ATL1: variants seen among roughly 807,000 people sequenced by gnomAD.
ATL1 encodes atlastin GTPase 1, also known as atlastin-1.
ATL1 carries 31 observed loss-of-function variants against 75.5 expected under a neutral mutation model. The ratio of observed to expected loss-of-function variants is 0.41; its 90% confidence interval spans 0.31 to 0.55. The LOEUF (loss-of-function observed/expected upper bound fraction) is 0.55. ATL1 is among the 20% of genes least tolerant of loss of function. The probability of loss-of-function intolerance (pLI) is 0.27; values close to 1 mark genes in which losing one functional copy is unlikely to be tolerated. For missense variants in ATL1, 405 were observed against 662.6 expected (o/e 0.61, Z 4.27); for synonymous variants, 226 against 233.3 (o/e 0.97, Z 0.28).
At chr14:50,582,235 C>T (rs781038219) in intron 1 of ATL1, among the ~76,000 whole-genome samples, 7 of 150,960 alleles carry the variant, frequency 4.6e-5, no homozygotes, top group South Asian at 2.1e-4. Context: ...GCCGAGATCG[C>T]GCCACTGCAC....
At chr14:50,597,229 A>AAAAAG (rs386381346) in intron 6 of ATL1, among the ~76,000 whole-genome samples, 1 of 149,942 alleles carries the variant, frequency 6.7e-6, no homozygotes, top group East Asian at 1.9e-4. Context: ...ACAAAAAAAA[A>AAAAAG]AAAAGAAAAA....
At position 50,632,274 on chromosome 14, in the gene ATL1, TATC is replaced by T. The variant is rs1300721545; in HGVS notation, c.1617_1619del (p.His539del). 2 of 1,612,300 alleles carry T rather than the reference TATC, an allele frequency of 1.2e-6. No homozygotes were observed. Among genetic ancestry groups the T allele is most frequent in the East Asian group, 2.2e-5 (1 of 44,712 alleles). Reference sequence around the variant, plus strand: ...TGCAGCAGCAACCCACAGACATCTGTATCATCAAGCTTTCCCTACACCAAAGTC... The same window carrying T: ...TGCAGCAGCAACCCACAGACATCTGTATCAAGCTTTCCCTACACCAAAGTC... On this transcript the variant is annotated inframe_deletion, in exon 14 of 14. Coordinates refer to ENST00000358385, the MANE Select transcript of ATL1 (RefSeq NM_015915.5).
chr14:50,549,164 T>C (rs2038671216), intron 1 of ATL1, among the ~76,000 whole-genome samples: 2 of 152,048 alleles, frequency 1.3e-5, no homozygotes, highest in African/African-American at 4.8e-5. Context: ...CCATTGTATA[T>C]AAGGGGACCC....
chr14:50,629,583 C>A (rs112449088), intron 12 of ATL1, among the ~76,000 whole-genome samples: 36,281 of 112,646 alleles, frequency 0.32, 6,813 homozygotes, highest in African/African-American at 0.58. Context: ...CTCCATCTCC[C>A]AAAAAAAAAA....
chr14:50,548,872 C>T (rs2038667165), intron 1 of ATL1, among the ~76,000 whole-genome samples: 1 of 152,058 alleles, frequency 6.6e-6, no homozygotes, highest in South Asian at 2.1e-4. Context: ...AGCTATTAGC[C>T]ATGTATAGGG....
rs143223336 is a variant in ATL1 at position 50,534,085 on chromosome 14, G to A, written c.-140+718G>A. On this transcript the variant is annotated intron_variant, in intron 1 of 13. Coordinates refer to the ATL1 transcript ENST00000441560. ...CAAAATCTCTTCAAATGTTCTATTG[G>A]TATCTTAGCACTTGTTTACTGTCAT... is the stretch of plus-strand genomic sequence containing the variant. Among the ~76,000 whole-genome samples the A allele has an allele frequency of 1.9e-3, 292 of 152,172 alleles. 2 individuals carry two copies. The highest frequency in any genetic ancestry group is 3.4e-3 in the Non-Finnish European group (233 of 67,980).
At chr14:50,593,702 C>A in intron 4 of ATL1, 144 bp from the exon 5 acceptor site, 1 of 582,636 alleles carries the variant, frequency 1.7e-6, no homozygotes. Flanking sequence ...ACTTCTCTCT[C>A]AAGGTCTTAC....
chr14:50,603,896 A>G (rs535618362), intron 6 of ATL1, among the ~76,000 whole-genome samples: 3 of 152,266 alleles, frequency 2.0e-5, no homozygotes, highest in South Asian at 2.1e-4. Flanking sequence ...TGAGAGCTGT[A>G]TGGATTAGAA....
At chr14:50,621,988 CAG>C (rs1169400388) in intron 10 of ATL1, 89 bp downstream of exon 10, 7 of 886,136 alleles carry the variant, frequency 7.9e-6, no homozygotes, top group Non-Finnish European at 1.1e-5. Flanking sequence ...CAATATTAGA[CAG>C]AATAATTTAT....
intron 1 of ATL1, among the ~76,000 whole-genome samples, chr14:50,564,647 C>CAAA (rs60054322): frequency 0.025 from 991 of 39,844 alleles, 13 homozygotes; most frequent in Non-Finnish European, 0.028. Flanking sequence ...GATTCCGTCT[C>CAAA]AAAAAAAAAA....
At chr14:50,620,804 T>C (rs2039460737) in intron 9 of ATL1, 78 bp downstream of exon 9, 3 of 1,518,288 alleles carry the variant, frequency 2.0e-6, no homozygotes, top group Non-Finnish European at 1.8e-6. Flanking sequence ...ACAAAAATTA[T>C]AGACCCGATA....
chr14:50,577,254 G>A (rs2039014536), intron 1 of ATL1, among the ~76,000 whole-genome samples: 1 of 152,082 alleles, frequency 6.6e-6, no homozygotes, highest in Non-Finnish European at 1.5e-5. Context: ...AGTAGAGACA[G>A]GGTTTCACCG....
At chr14:50,574,931 GTGTGTGTATATATATATATATATA>G (rs1187506930) in intron 1 of ATL1, among the ~76,000 whole-genome samples, 22 of 78,748 alleles carry the variant, frequency 2.8e-4, no homozygotes, top group Admixed American at 4.3e-4. Context: ...GTGTGTGTGT[GTGTGTGTATATATATATATATATA>G]TATATATATA....
At chr14:50,549,860 TAA>T (rs1363784679) in intron 1 of ATL1, among the ~76,000 whole-genome samples, 1 of 152,188 alleles carries the variant, frequency 6.6e-6, no homozygotes, top group Non-Finnish European at 1.5e-5. Context: ...ATACAAATTT[TAA>T]AAGAGTTACC....
chr14:50,626,428 G>A (rs1434646387), intron 11 of ATL1, among the ~76,000 whole-genome samples: 1 of 152,194 alleles, frequency 6.6e-6, no homozygotes, highest in Admixed American at 6.5e-5. Flanking sequence ...GTGGAGGAAG[G>A]AAGTGCATGT....
At chr14:50,569,168 A>T (rs986892084) in intron 1 of ATL1, among the ~76,000 whole-genome samples, 2 of 151,726 alleles carry the variant, frequency 1.3e-5, no homozygotes, top group Non-Finnish European at 2.9e-5. Flanking sequence ...AATTCGGGTC[A>T]ATATGGCAAA....
At chr14:50,561,696 G>C (rs1387200728) in intron 1 of ATL1, among the ~76,000 whole-genome samples, 1 of 152,186 alleles carries the variant, frequency 6.6e-6, no homozygotes, top group East Asian at 1.9e-4. Flanking sequence ...GGGGAGGTCT[G>C]TCATGACTTA....
chr14:50,535,079 A>T (rs1038628696), intron 1 of ATL1, among the ~76,000 whole-genome samples: 4 of 152,210 alleles, frequency 2.6e-5, no homozygotes, highest in Admixed American at 6.5e-5. Context: ...CCTAATTGTC[A>T]TGCATTCTTA....
At chr14:50,613,763 T>TA (rs2039388447) in intron 7 of ATL1, among the ~76,000 whole-genome samples, 1 of 152,192 alleles carries the variant, frequency 6.6e-6, no homozygotes, top group Non-Finnish European at 1.5e-5. Context: ...AAGTGCCTAC[T>TA]GGGAAATCAG....
Sources: gnomAD v4.1 joint callset for allele counts (sites outside exome capture counted in the v4.1 genomes callset) on GRCh38, gnomAD v4.1.1 for gene constraint, MANE v1.5 for transcripts, NCBI Gene and HGNC (gene_info 2026-07-23, HGNC 2026-07-21) for gene names.